CORO2B: variants seen among roughly 807,000 people sequenced by gnomAD.
The protein encoded by CORO2B is coronin 2B, also known as coronin-2B.
A neutral mutation model predicts 58.8 loss-of-function variants in CORO2B; 26 were observed. The ratio of observed to expected loss-of-function variants is 0.44; its 90% CI spans 0.32 to 0.61. The LOEUF (loss-of-function observed/expected upper bound fraction) is 0.61. Ranked by LOEUF, CORO2B falls within the 20% of genes least tolerant of loss-of-function variation. The pLI, the probability that CORO2B is intolerant of heterozygous loss-of-function variation, is 0.04. For synonymous variants in CORO2B, 242 were observed against 253.8 expected, an observed-to-expected ratio of 0.95 and a Z score of 0.44; for missense variants, 460 against 645.1, an observed-to-expected ratio of 0.71 and a Z score of 3.11.
rs1301479257 is a variant in CORO2B, at chr15:68,680,356, AGT to A, written c.217-14780_217-14779del. ...CCATGATTATCTCATTTAAGATGAA[AGT>A]GTGGATAATCTCTTGGGAGGGCAAC... On this transcript the variant is annotated intron_variant, in intron 2 of 11. Coordinates refer to ENST00000261861, the MANE Select transcript of CORO2B (RefSeq NM_006091.5). 2.0e-5 allele frequency among the ~76,000 whole-genome samples: 3 copies of A among 152,292 alleles called. No homozygotes were observed. In the East Asian group the frequency reaches 5.8e-4, roughly 29 times the overall value.
intron 2 of CORO2B, among the ~76,000 whole-genome samples, chr15:68,679,004 C>T (rs1902680373): frequency 6.6e-6 from 1 of 152,240 alleles, no homozygotes; most frequent in Non-Finnish European, 1.5e-5. Context: ...CCTGACCTGG[C>T]CCTCCGAGCT....
At chr15:68,537,107 A>AATT in the CORO2B span, among the ~76,000 whole-genome samples, 1 of 152,236 alleles carries the variant, frequency 6.6e-6, no homozygotes, top group South Asian at 2.1e-4. Flanking sequence ...AATCCAAAGA[A>AATT]CAATAGGTGA....
chr15:68,619,293 T>C (rs758985750), intron 1 of CORO2B, among the ~76,000 whole-genome samples: 10 of 152,238 alleles, frequency 6.6e-5, no homozygotes, highest in Non-Finnish European at 1.0e-4. Context: ...TCCTTTAGCC[T>C]GAATTTTATC....
At chr15:68,643,221 A>C (rs1320150221) in intron 1 of CORO2B, among the ~76,000 whole-genome samples, 1 of 151,944 alleles carries the variant, frequency 6.6e-6, no homozygotes, top group African/African-American at 2.4e-5. Flanking sequence ...CTTTGGGAAT[A>C]GTTGGTGTCC....
At chr15:68,722,015 T>C (rs535577547) in intron 11 of CORO2B, among the ~76,000 whole-genome samples, 2 of 152,292 alleles carry the variant, frequency 1.3e-5, no homozygotes, top group South Asian at 4.1e-4. Context: ...CGCCTCCCAA[T>C]GTGCTGGGAT....
intron 2 of CORO2B, among the ~76,000 whole-genome samples, chr15:68,682,800 G>T (rs35670506): frequency 0.18 from 27,309 of 152,158 alleles, 3,036 homozygotes; most frequent in Non-Finnish European, 0.24. Context: ...CCAGAGTGCT[G>T]CCCTGCTGCT....
chr15:68,650,739 G>T (rs527716340), intron 2 of CORO2B, among the ~76,000 whole-genome samples: 1 of 152,298 alleles, frequency 6.6e-6, no homozygotes, highest in Non-Finnish European at 1.5e-5. Flanking sequence ...TTAGCTATAT[G>T]ATCTAAATTT....
chr15:68,693,894 G>A lies in CORO2B; in HGVS notation c.217-1246G>A, dbSNP rs920794686. On this transcript the variant is annotated intron_variant, in intron 2 of 11. Transcript: ENST00000261861. ...TCTGTCACCCAGTCTGGAGTGCAGC[G>A]GCACAATCTTGGCTCACCGCAACCT... 5.3e-5 allele frequency among the ~76,000 whole-genome samples: 8 copies of A among 152,124 alleles called. No individual in the cohort carries two copies. The South Asian group carries it at 6.2e-4, about 12-fold the overall frequency.
At chr15:68,534,466 A>G in the CORO2B span, among the ~76,000 whole-genome samples, 2 of 152,244 alleles carry the variant, frequency 1.3e-5, no homozygotes, top group African/African-American at 2.4e-5. Context: ...TACACAAGAG[A>G]AGCTCAATGA....
chr15:68,563,655 A>G, the CORO2B span, among the ~76,000 whole-genome samples: 1 of 152,266 alleles, frequency 6.6e-6, no homozygotes, highest in Middle Eastern at 3.4e-3. Flanking sequence ...ACTGATTAAG[A>G]AAAAGGAGAT....
intron 5 of CORO2B, among the ~76,000 whole-genome samples, chr15:68,713,025 C>T (rs1414662701): frequency 6.6e-6 from 1 of 152,124 alleles, no homozygotes; most frequent in Non-Finnish European, 1.5e-5. Flanking sequence ...TGCACTGCCC[C>T]ATTGGCCTCT....
chr15:68,680,038 G>T (rs1303755076), intron 2 of CORO2B, among the ~76,000 whole-genome samples: 2 of 151,988 alleles, frequency 1.3e-5, no homozygotes, highest in Non-Finnish European at 2.9e-5. Context: ...GGGCAGGGAA[G>T]ATGGTGGGCA....
chr15:68,567,944 A>T, the CORO2B span, among the ~76,000 whole-genome samples: 1 of 152,194 alleles, frequency 6.6e-6, no homozygotes, highest in Admixed American at 6.5e-5. Context: ...GCTTGAACCC[A>T]GGAGGCGGAG....
At chr15:68,532,122 T>C in the CORO2B span, among the ~76,000 whole-genome samples, 2 of 152,190 alleles carry the variant, frequency 1.3e-5, no homozygotes, top group African/African-American at 2.4e-5. Flanking sequence ...TTTATCATGA[T>C]GTACCTTTGG....
chr15:68,634,004 G>T (rs1351216729), intron 1 of CORO2B, among the ~76,000 whole-genome samples: 1 of 152,244 alleles, frequency 6.6e-6, no homozygotes, highest in Non-Finnish European at 1.5e-5. Flanking sequence ...GTCGGTCAGG[G>T]CATGTCACAG....
chr15:68,524,616 T>C, the CORO2B span, among the ~76,000 whole-genome samples: 1,007 of 152,362 alleles, frequency 6.6e-3, 7 homozygotes, highest in African/African-American at 0.023. Context: ...AATGAAGACA[T>C]TGAAGCTCAT....
chr15:68,658,449 A>G (rs1353568563), intron 2 of CORO2B, among the ~76,000 whole-genome samples: 1 of 152,272 alleles, frequency 6.6e-6, no homozygotes, highest in Non-Finnish European at 1.5e-5. Context: ...CCTAGGCCAG[A>G]TAACAACCTG....
intron 2 of CORO2B, among the ~76,000 whole-genome samples, chr15:68,685,433 C>T (rs900896620): frequency 1.3e-5 from 2 of 152,130 alleles, no homozygotes; most frequent in African/African-American, 2.4e-5. Context: ...GCTGGTCTCA[C>T]ACTCCTGAGG....
chr15:68,533,229 C>A, the CORO2B span, among the ~76,000 whole-genome samples: 1 of 152,044 alleles, frequency 6.6e-6, no homozygotes, highest in African/African-American at 2.4e-5. Flanking sequence ...GCCTGTTAAC[C>A]AATATCTGAA....
Sources: allele counts gnomAD v4.1 joint callset (sites outside exome capture counted in the v4.1 genomes callset), GRCh38; gene constraint gnomAD v4.1.1; transcripts MANE v1.5; gene names NCBI Gene and HGNC (gene_info 2026-07-23, HGNC 2026-07-21).